The following AGTPBP1 variants were observed in gnomAD, a reference collection of about 807,000 sequenced individuals.
AGTPBP1 encodes the protein cytosolic carboxypeptidase 1.
A neutral mutation model predicts 143.9 loss-of-function variants in AGTPBP1; 70 were observed. The observed-to-expected ratio is 0.49, with a 90% CI of 0.40 to 0.59. AGTPBP1 has a LOEUF of 0.59. Among genes scored for constraint, AGTPBP1 ranks in the 20% least tolerant of loss-of-function variants. The pLI is 0.00. For missense variants in AGTPBP1, 1,229 were observed against 1,464.5 expected, an observed-to-expected ratio of 0.84 and a Z score of 2.62; for synonymous variants, 463 against 500.2, an observed-to-expected ratio of 0.93 and a Z score of 0.99.
chr9:85,640,847 A>C (rs185224392), intron 13 of AGTPBP1, among the ~76,000 whole-genome samples: 228 of 152,312 alleles, frequency 1.5e-3, no homozygotes, highest in African/African-American at 5.4e-3. Context: ...CAAAACTACA[A>C]TCTGTAATCA....
At chr9:85,713,924 T>C (rs537452571) in intron 1 of AGTPBP1, among the ~76,000 whole-genome samples, 1 of 152,310 alleles carries the variant, frequency 6.6e-6, no homozygotes, top group Admixed American at 6.5e-5. Flanking sequence ...AATCACTATA[T>C]ATCCACAGGG....
intron 22 of AGTPBP1, among the ~76,000 whole-genome samples, chr9:85,586,277 A>G (rs1828601384): frequency 1.3e-5 from 2 of 152,182 alleles, no homozygotes; most frequent in Non-Finnish European, 2.9e-5. Context: ...AAACACCATT[A>G]AGAAGGGTAT....
chr9:85,640,658 A>AATC (rs1325998523), intron 13 of AGTPBP1, among the ~76,000 whole-genome samples: 2 of 152,224 alleles, frequency 1.3e-5, no homozygotes, highest in Non-Finnish European at 2.9e-5. Context: ...CCATGTAGGA[A>AATC]ATCATCAAGG....
intron 2 of AGTPBP1, among the ~76,000 whole-genome samples, chr9:85,702,484 T>C (rs1801976953): frequency 6.6e-6 from 1 of 152,168 alleles, no homozygotes; most frequent in Non-Finnish European, 1.5e-5. Context: ...ACATTTCATC[T>C]CTTCCTGCTG....
intron 17 of AGTPBP1, among the ~76,000 whole-genome samples, chr9:85,609,283 T>C (rs949247755): frequency 1.4e-5 from 2 of 145,094 alleles, no homozygotes; most frequent in African/African-American, 5.1e-5. Context: ...ATACCAAGTG[T>C]ACAGATCTTT....
rs1029626185 is a variant in AGTPBP1 at position 85,633,069 on chromosome 9, T to G, written c.1608A>C (p.Arg536=). The G allele has an allele frequency of 6.2e-7, 1 of 1,614,198 alleles. No homozygotes were observed. Among genetic ancestry groups the G allele is most frequent in the Admixed American group, 1.7e-5 (1 of 60,016 alleles). ...LNNDIVKALD[R]ITLQNIPSQT... ...GAGAAGGAATATTCTGCAATGTAAT[T>G]CGGTCCAAGGCCTTTACAATATCAT... The change falls in exon 14 of 26, where the codon CGA becomes CGC. Residue 536 remains arginine, a synonymous_variant. Transcript: ENST00000357081.
intron 25 of AGTPBP1, among the ~76,000 whole-genome samples, chr9:85,568,697 A>G (rs1265451862): frequency 6.6e-6 from 1 of 152,200 alleles, no homozygotes; most frequent in Non-Finnish European, 1.5e-5. Flanking sequence ...AGCCTGGACT[A>G]CTGTAATGGT....
intron 11 of AGTPBP1, among the ~76,000 whole-genome samples, chr9:85,652,596 G>A (rs886585539): frequency 6.6e-6 from 1 of 152,114 alleles, no homozygotes; most frequent in Non-Finnish European, 1.5e-5. Context: ...ACCTAGAGAG[G>A]GCATGGAAGC....
chr9:85,679,086 C>G (rs1835008772), intron 4 of AGTPBP1, among the ~76,000 whole-genome samples: 1 of 152,132 alleles, frequency 6.6e-6, no homozygotes, highest in Non-Finnish European at 1.5e-5. Context: ...TAAAGTACAT[C>G]TGTATAGTAA....
intron 17 of AGTPBP1, among the ~76,000 whole-genome samples, chr9:85,614,022 A>C (rs1373357713): frequency 6.6e-6 from 1 of 152,054 alleles, no homozygotes; most frequent in East Asian, 1.9e-4. Context: ...AAATGCAAAA[A>C]AATTCTTAAA....
chr9:85,706,642 G>A (rs571024467), intron 2 of AGTPBP1, among the ~76,000 whole-genome samples: 6 of 151,974 alleles, frequency 3.9e-5, no homozygotes, highest in South Asian at 4.2e-4. Flanking sequence ...AGGCTGAGGC[G>A]GGCGGATCAC....
At chr9:85,612,351 TAAAAATCTCCA>T (rs898039412) in intron 17 of AGTPBP1, among the ~76,000 whole-genome samples, 20 of 152,186 alleles carry the variant, frequency 1.3e-4, no homozygotes, top group African/African-American at 4.8e-4. Flanking sequence ...GAAGCCTCCA[TAAAAATCTCCA>T]AAACACGGGA....
At chr9:85,768,910 G>A in the AGTPBP1 span, among the ~76,000 whole-genome samples, 8 of 151,016 alleles carry the variant, frequency 5.3e-5, no homozygotes, top group South Asian at 2.1e-4. Context: ...TTAGCTAGGC[G>A]TGGTGGCATG....
the AGTPBP1 span, chr9:85,755,994 C>G: frequency 4.8e-6 from 5 of 1,043,736 alleles, no homozygotes; most frequent in Non-Finnish European, 6.7e-6. Context: ...AGATTTCAGC[C>G]AATCTGAAAT....
the AGTPBP1 span, among the ~76,000 whole-genome samples, chr9:85,787,043 T>C: frequency 6.6e-6 from 1 of 152,284 alleles, no homozygotes; most frequent in East Asian, 1.9e-4. Context: ...AGTCACCTGC[T>C]GCATATGTGG....
At chr9:85,760,297 C>A in the AGTPBP1 span, among the ~76,000 whole-genome samples, 2 of 152,080 alleles carry the variant, frequency 1.3e-5, no homozygotes, top group African/African-American at 4.8e-5. Context: ...GATACCAAAG[C>A]CTGGCAGAGA....
chr9:85,777,697 C>T, the AGTPBP1 span, among the ~76,000 whole-genome samples: 1 of 152,206 alleles, frequency 6.6e-6, no homozygotes, highest in Non-Finnish European at 1.5e-5. Context: ...AGAGGTCCAT[C>T]CACATACCTC....
intron 1 of AGTPBP1, among the ~76,000 whole-genome samples, chr9:85,740,946 T>C (rs891305266): frequency 6.6e-6 from 1 of 152,186 alleles, no homozygotes; most frequent in Non-Finnish European, 1.5e-5. Flanking sequence ...AACTCCATTC[T>C]ACAATGAGTA....
At chr9:85,628,460 G>T (rs997712620) in intron 14 of AGTPBP1, among the ~76,000 whole-genome samples, 1 of 152,152 alleles carries the variant, frequency 6.6e-6, no homozygotes, top group African/African-American at 2.4e-5. Flanking sequence ...ATGATGATGA[G>T]AGACTAGCAA....
Sources: allele counts gnomAD v4.1 joint callset (sites outside exome capture counted in the v4.1 genomes callset), GRCh38; gene constraint gnomAD v4.1.1; transcripts MANE v1.5; gene names NCBI Gene and HGNC (gene_info 2026-07-23, HGNC 2026-07-21).